CNTNAP2: variants seen among roughly 807,000 people sequenced by gnomAD.
The protein encoded by CNTNAP2 is contactin-associated protein-like 2.
CNTNAP2 carries 98 observed loss-of-function variants against 155.2 expected under a neutral mutation model. That is an observed-to-expected ratio of 0.63 (90% CI 0.54 to 0.75). The LOEUF is 0.75. Ranked by LOEUF, CNTNAP2 falls within the 30% of genes least tolerant of loss-of-function variation. The pLI, the probability that CNTNAP2 is intolerant of heterozygous loss-of-function variation, is 0.00. For missense variants in CNTNAP2, 1,727 were observed against 1,688.1 expected (o/e 1.02, Z -0.40); for synonymous variants, 651 against 631.2 (o/e 1.03, Z -0.47).
Position 147,584,394 on chromosome 7 carries a change from G to A in CNTNAP2, c.1897+22137G>A, listed in dbSNP as rs138547959. On this transcript the variant is annotated intron_variant, in intron 12 of 23. Coordinates refer to ENST00000361727, the MANE Select transcript of CNTNAP2 (RefSeq NM_014141.6). Reference sequence around the variant, plus strand: ...AGAAATCAACATCTTTTTCAAGGCGGGCAAATCTTTATTTACTCCTTTGTA... The same window carrying A: ...AGAAATCAACATCTTTTTCAAGGCGAGCAAATCTTTATTTACTCCTTTGTA... 1.6e-3 allele frequency among the ~76,000 whole-genome samples: 239 copies of A among 152,104 alleles called. 1 individual carries two copies. The highest frequency in any genetic ancestry group is 5.2e-3 in the African/African-American group (216 of 41,514).
chr7:148,237,191 T>C (rs1419984987), intron 20 of CNTNAP2, among the ~76,000 whole-genome samples: 1 of 152,190 alleles, frequency 6.6e-6, no homozygotes, highest in African/African-American at 2.4e-5. Flanking sequence ...TTCGTTAGGG[T>C]TGTATTCGCT....
At chr7:147,011,531 A>T (rs1326100241) in intron 3 of CNTNAP2, among the ~76,000 whole-genome samples, 1 of 151,884 alleles carries the variant, frequency 6.6e-6, no homozygotes, top group Non-Finnish European at 1.5e-5. Flanking sequence ...TGGGATTCTG[A>T]ACTGGATCCT....
chr7:146,943,698 T>C (rs1797100948), intron 3 of CNTNAP2, among the ~76,000 whole-genome samples: 1 of 152,162 alleles, frequency 6.6e-6, no homozygotes, highest in Non-Finnish European at 1.5e-5. Context: ...TTTTCTCTGC[T>C]TCTTGGGAGC....
At chr7:146,688,296 T>C (rs1394867187) in intron 1 of CNTNAP2, among the ~76,000 whole-genome samples, 8 of 152,174 alleles carry the variant, frequency 5.3e-5, no homozygotes, top group African/African-American at 1.9e-4. Context: ...TCATTTCAAA[T>C]TCTGCAATAA....
intron 9 of CNTNAP2, among the ~76,000 whole-genome samples, chr7:147,330,900 ATTATGGAAAGG>A (rs979283553): frequency 6.6e-6 from 1 of 152,192 alleles, no homozygotes; most frequent in Non-Finnish European, 1.5e-5. Context: ...ATCTAAGGAC[ATTATGGAAAGG>A]TTAAAAAGGA....
At chr7:147,956,956 A>G (rs182303544) in intron 14 of CNTNAP2, among the ~76,000 whole-genome samples, 3 of 152,288 alleles carry the variant, frequency 2.0e-5, no homozygotes, top group African/African-American at 7.2e-5. Context: ...TCTCCATGTA[A>G]CGCATAACTG....
chr7:146,722,248 G>T (rs1190733155), intron 1 of CNTNAP2, among the ~76,000 whole-genome samples: 1 of 151,928 alleles, frequency 6.6e-6, no homozygotes, highest in Non-Finnish European at 1.5e-5. Flanking sequence ...TGTACAACAG[G>T]AACAATTGCT....
chr7:146,777,429 C>A (rs1000251806), intron 2 of CNTNAP2, among the ~76,000 whole-genome samples: 4 of 152,094 alleles, frequency 2.6e-5, no homozygotes, highest in Non-Finnish European at 4.4e-5. Context: ...GCAGGTACAG[C>A]AAGAAACATA....
chr7:147,021,235 T>C (rs1462874245), intron 3 of CNTNAP2, among the ~76,000 whole-genome samples: 1 of 146,872 alleles, frequency 6.8e-6, no homozygotes, highest in Non-Finnish European at 1.5e-5. Context: ...ATCATTAGTG[T>C]GTGTATTTTA....
At chr7:146,538,331 A>C (rs972727141) in intron 1 of CNTNAP2, among the ~76,000 whole-genome samples, 6 of 152,138 alleles carry the variant, frequency 3.9e-5, no homozygotes, top group African/African-American at 1.4e-4. Context: ...AGTTACATAA[A>C]GCAGCTGTGG....
intron 3 of CNTNAP2, among the ~76,000 whole-genome samples, chr7:146,955,468 C>G (rs1797413881): frequency 6.6e-6 from 1 of 151,978 alleles, no homozygotes; most frequent in Non-Finnish European, 1.5e-5. Context: ...AAAATCTTTT[C>G]TAACCAGAAA....
At chr7:146,251,679 C>T (rs751577203) in intron 1 of CNTNAP2, among the ~76,000 whole-genome samples, 1 of 152,088 alleles carries the variant, frequency 6.6e-6, no homozygotes, top group East Asian at 1.9e-4. Context: ...TGAAGTAACT[C>T]ACAATTTAGG....
At chr7:147,013,895 A>T (rs574646207) in intron 3 of CNTNAP2, among the ~76,000 whole-genome samples, 1 of 152,236 alleles carries the variant, frequency 6.6e-6, no homozygotes, top group South Asian at 2.1e-4. Flanking sequence ...AAATCTAATT[A>T]TTTCTCTCTT....
chr7:146,928,822 T>C (rs570944147), intron 3 of CNTNAP2, among the ~76,000 whole-genome samples: 39 of 152,036 alleles, frequency 2.6e-4, no homozygotes, highest in Non-Finnish European at 3.8e-4. Context: ...GCCCACGGAG[T>C]CTCGCTGGTT....
chr7:146,511,751 C>T (rs1347218977), intron 1 of CNTNAP2, among the ~76,000 whole-genome samples: 1 of 151,900 alleles, frequency 6.6e-6, no homozygotes, highest in Non-Finnish European at 1.5e-5. Flanking sequence ...TTTGTGTTGT[C>T]CTTGCATGGA....
chr7:147,094,399 C>CTTTTTTTT (rs55694542), intron 4 of CNTNAP2, among the ~76,000 whole-genome samples: 2 of 132,962 alleles, frequency 1.5e-5, no homozygotes, highest in African/African-American at 2.8e-5. Flanking sequence ...ATTATTATTC[C>CTTTTTTTT]TTTTTTTTTT....
At chr7:147,378,540 G>A (rs1266982464) in intron 9 of CNTNAP2, among the ~76,000 whole-genome samples, 1 of 151,986 alleles carries the variant, frequency 6.6e-6, no homozygotes, top group African/African-American at 2.4e-5. Flanking sequence ...ACTCATTTGT[G>A]GGAGCTAAAA....
At chr7:147,200,179 C>T (rs1430310607) in intron 8 of CNTNAP2, among the ~76,000 whole-genome samples, 3 of 151,138 alleles carry the variant, frequency 2.0e-5, no homozygotes, top group East Asian at 3.9e-4. Flanking sequence ...AACCAGTGCT[C>T]AAGAAAAAAA....
intron 8 of CNTNAP2, among the ~76,000 whole-genome samples, chr7:147,211,347 C>A (rs1206165823): frequency 6.6e-6 from 1 of 151,932 alleles, no homozygotes; most frequent in Non-Finnish European, 1.5e-5. Flanking sequence ...ACAGTTACGT[C>A]TTCTCATTGA....
Sources: gnomAD v4.1 joint callset for allele counts (sites outside exome capture counted in the v4.1 genomes callset) on GRCh38, gnomAD v4.1.1 for gene constraint, MANE v1.5 for transcripts, NCBI Gene and HGNC (gene_info 2026-07-23, HGNC 2026-07-21) for gene names.